Variants in SEMA3A observed in about 807,000 individuals in gnomAD.
SEMA3A encodes the protein semaphorin-3A.
SEMA3A carries 29 observed loss-of-function variants against 97.9 expected under a neutral mutation model. The observed-to-expected ratio is 0.30, with a 90% CI of 0.22 to 0.40. The LOEUF (loss-of-function observed/expected upper bound fraction) is 0.40, where lower values mean the gene tolerates loss of function less well. Ranked by LOEUF, SEMA3A falls within the 10% of genes least tolerant of loss-of-function variation. The pLI, the probability that SEMA3A is intolerant of heterozygous loss-of-function variation, is 1.00. For missense variants in SEMA3A, 763 were observed against 951.3 expected (o/e 0.80, Z 2.60); for synonymous variants, 321 against 323.7 (o/e 0.99, Z 0.09).
At chr7:84,299,222 A>T (rs1800938328) in intron 3 of SEMA3A, among the ~76,000 whole-genome samples, 1 of 147,322 alleles carries the variant, frequency 6.8e-6, no homozygotes, top group South Asian at 2.2e-4. Context: ...ACTCCCTTTC[A>T]TAAAGATATA....
intron 1 of SEMA3A, among the ~76,000 whole-genome samples, chr7:84,473,141 G>GGGGTGTGTGTGT (rs1554393542): frequency 1.4e-5 from 2 of 141,516 alleles, no homozygotes; most frequent in Admixed American, 7.1e-5. Flanking sequence ...AAAAAGAAAT[G>GGGGTGTGTGTGT]GTGTGTGTGT....
At chr7:84,343,195 G>T (rs965948887) in intron 2 of SEMA3A, among the ~76,000 whole-genome samples, 1 of 152,128 alleles carries the variant, frequency 6.6e-6, no homozygotes, top group Non-Finnish European at 1.5e-5. Context: ...CCACAAACTT[G>T]ACCATCAGGT....
intron 4 of SEMA3A, among the ~76,000 whole-genome samples, chr7:84,098,068 TC>T (rs1794831917): frequency 6.6e-6 from 1 of 152,124 alleles, no homozygotes; most frequent in African/African-American, 2.4e-5. Context: ...AGTATGACCA[TC>T]TTCTGATATT....
chr7:84,059,923 A>G (rs1281791903), intron 5 of SEMA3A, among the ~76,000 whole-genome samples: 1 of 152,174 alleles, frequency 6.6e-6, no homozygotes, highest in Non-Finnish European at 1.5e-5. Context: ...AATACAGACT[A>G]AAGTTTTATC....
intron 1 of SEMA3A, among the ~76,000 whole-genome samples, chr7:84,135,555 C>A (rs910182740): frequency 1.9e-4 from 29 of 152,120 alleles, no homozygotes; most frequent in African/African-American, 5.8e-4. Context: ...ATGGATTAGA[C>A]TGATCAATAT....
At chr7:84,196,923 C>G (rs1798245405), upstream of SEMA3A, among the ~76,000 whole-genome samples, 2 of 151,944 alleles carry the variant, frequency 1.3e-5, no homozygotes, top group South Asian at 2.1e-4. Context: ...TTTGTCAAAA[C>G]TAAACAGGAT....
intron 1 of SEMA3A, among the ~76,000 whole-genome samples, chr7:84,407,729 A>T (rs1804138822): frequency 2.0e-5 from 3 of 152,156 alleles, no homozygotes; most frequent in African/African-American, 7.2e-5. Flanking sequence ...GAGCCCTCAG[A>T]AATAATGCCA....
At chr7:84,352,050 A>G (rs1478883152) in intron 2 of SEMA3A, among the ~76,000 whole-genome samples, 4 of 151,870 alleles carry the variant, frequency 2.6e-5, no homozygotes, top group Non-Finnish European at 4.4e-5. Context: ...AGAAAAAAAA[A>G]AAAAGGTGAG....
rs181731603 is a variant in SEMA3A at position 84,402,433 on chromosome 7, T to C, written c.-245-30533A>G. ...AGTACAGCCATTATGGAAAATAATA[T>C]GGACATTCCTCAAAAAACTATAATT... On this transcript the variant is annotated intron_variant, in intron 1 of 3. Coordinates refer to the SEMA3A transcript ENST00000424555. Among the ~76,000 whole-genome samples the C allele has an allele frequency of 8.4e-4, 128 of 152,298 alleles. 1 individual carries two copies. The highest frequency in any genetic ancestry group is 3.4e-3 in the Middle Eastern group (1 of 294).
At chr7:84,051,572 C>G (rs1562732035) in intron 5 of SEMA3A, among the ~76,000 whole-genome samples, 1 of 152,178 alleles carries the variant, frequency 6.6e-6, no homozygotes, top group African/African-American at 2.4e-5. Context: ...TATCCTGAGA[C>G]TTTGCTGAAG....
chr7:84,300,104 T>C (rs1253655597), intron 3 of SEMA3A, among the ~76,000 whole-genome samples: 1 of 148,482 alleles, frequency 6.7e-6, no homozygotes, highest in African/African-American at 2.5e-5. Flanking sequence ...ATAAGAACTT[T>C]AGTAAAAGTG....
At chr7:84,437,467 C>CT (rs1805165020) in intron 1 of SEMA3A, among the ~76,000 whole-genome samples, 1 of 151,484 alleles carries the variant, frequency 6.6e-6, no homozygotes, top group South Asian at 2.1e-4. Flanking sequence ...TACATTTCCC[C>CT]TTTTTTGTTT....
rs187454326 is a variant in SEMA3A at position 84,348,235 on chromosome 7, T to A, written c.-169+23589A>T. Among the ~76,000 whole-genome samples the A allele has an allele frequency of 3.9e-5, 6 of 152,260 alleles. No individual in the cohort carries two copies. The East Asian group carries it at 1.2e-3, about 29-fold the overall frequency. On this transcript the variant is annotated intron_variant, in intron 2 of 3. Coordinates refer to the SEMA3A transcript ENST00000424555. ...AATATTACAAAGGAAATAAATAACA[T>A]TTATAGGATTTCTAATTAATTAAGC...
chr7:84,328,250 C>T (rs973350990), intron 2 of SEMA3A, among the ~76,000 whole-genome samples: 1 of 151,912 alleles, frequency 6.6e-6, no homozygotes, highest in Non-Finnish European at 1.5e-5. Context: ...TGGGAAAAAC[C>T]ATTTTAGTGT....
At chr7:84,403,031 G>C (rs530125931) in intron 1 of SEMA3A, among the ~76,000 whole-genome samples, 1 of 152,240 alleles carries the variant, frequency 6.6e-6, no homozygotes, top group East Asian at 1.9e-4. Flanking sequence ...TCTCACTGGG[G>C]AGTGCCGGAG....
At chr7:84,449,699 C>A (rs1011052637) in intron 1 of SEMA3A, among the ~76,000 whole-genome samples, 29 of 151,962 alleles carry the variant, frequency 1.9e-4, no homozygotes, top group Admixed American at 1.9e-3. Flanking sequence ...CTCAAATATA[C>A]CCTGTAGAAA....
upstream of SEMA3A, among the ~76,000 whole-genome samples, chr7:84,197,083 G>T (rs548040329): frequency 1.1e-4 from 17 of 151,986 alleles, no homozygotes; most frequent in African/African-American, 3.9e-4. Context: ...CATAAAATCT[G>T]GATTTTGAAC....
rs1473435988 is a variant in SEMA3A, at chr7:84,376,541, T to C, written c.-245-4641A>G. Among the ~76,000 whole-genome samples, 2 of 105,628 alleles carry C rather than the reference T, an allele frequency of 1.9e-5. 1 individual carries two copies. Among genetic ancestry groups the C allele is most frequent in the Non-Finnish European group, 3.8e-5 (2 of 52,488 alleles). 69.3% of individuals were successfully genotyped at this position (105,628 alleles called of 152,430 possible). A position where few individuals can be genotyped will look rare whatever the true frequency, so the allele number is the denominator to read the frequency against. On this transcript the variant is annotated intron_variant, in intron 1 of 3. Transcript: ENST00000424555. ...ATGGCGTGAACCCGGGAGGCGGAGC[T>C]TGCAGTGAGCCGAGATCGCGCCACT...
At chr7:84,352,596 A>C (rs917376763) in intron 2 of SEMA3A, among the ~76,000 whole-genome samples, 25 of 151,856 alleles carry the variant, frequency 1.6e-4, no homozygotes, top group African/African-American at 5.6e-4. Context: ...TATTTCTAGA[A>C]TGAAGCAATA....
Sources: gnomAD v4.1 joint callset for allele counts (sites outside exome capture counted in the v4.1 genomes callset) on GRCh38, gnomAD v4.1.1 for gene constraint, MANE v1.5 for transcripts, NCBI Gene and HGNC (gene_info 2026-07-23, HGNC 2026-07-21) for gene names.